Variants in CGNL1 observed in about 807,000 individuals in gnomAD.
The protein encoded by CGNL1 is cingulin like 1.
CGNL1 carries 132 observed loss-of-function variants against 141.2 expected under a neutral mutation model. The observed-to-expected ratio is 0.93, with a 90% CI of 0.81 to 1.08. CGNL1 has a LOEUF of 1.08. Ranked by LOEUF, CGNL1 falls within the 50% of genes least tolerant of loss-of-function variation. The pLI is 0.00. For synonymous variants in CGNL1, 690 were observed against 622.1 expected, an observed-to-expected ratio of 1.11 and a Z score of -1.63; for missense variants, 1,870 against 1,588.6, an observed-to-expected ratio of 1.18 and a Z score of -3.01.
At chr15:57,525,207 C>T (rs910062831) in intron 12 of CGNL1, among the ~76,000 whole-genome samples, 14 of 151,982 alleles carry the variant, frequency 9.2e-5, no homozygotes, top group African/African-American at 3.4e-4. Flanking sequence ...ACAATAATGG[C>T]GAGTAAAAGA....
intron 8 of CGNL1, among the ~76,000 whole-genome samples, chr15:57,493,041 T>G (rs1162652944): frequency 6.6e-6 from 1 of 152,166 alleles, no homozygotes; most frequent in Non-Finnish European, 1.5e-5. Context: ...AATGTGAGTG[T>G]ATGAGTATGA....
chr15:57,438,517 A>G lies in CGNL1; in HGVS notation c.518A>G (p.Asn173Ser). 1 of 1,614,134 alleles carries G rather than the reference A, an allele frequency of 6.2e-7. No individual in the cohort carries two copies. Among genetic ancestry groups the G allele is most frequent in the South Asian group, 1.1e-5 (1 of 91,082 alleles). Residue 173 changes from asparagine (N) to serine (S), a missense_variant, in exon 2 of 19, where the codon AAT becomes AGT. Asn to Ser is a conservative substitution (Grantham distance 46). Coordinates refer to ENST00000281282, the MANE Select transcript of CGNL1 (RefSeq NM_032866.5). Reference sequence around the variant, plus strand: ...CAAAATCACCAGCCTTCTGAGAGTAATTGGCTAAAAACGTTGACAGAAGAA... The same window carrying G: ...CAAAATCACCAGCCTTCTGAGAGTAGTTGGCTAAAAACGTTGACAGAAGAA... The part of the protein sequence containing the change: ...NLQNHQPSES[N>S]WLKTLTEEGI...
intron 7 of CGNL1, among the ~76,000 whole-genome samples, chr15:57,455,374 T>G (rs2063366775): frequency 6.6e-6 from 1 of 152,210 alleles, no homozygotes; most frequent in South Asian, 2.1e-4. Flanking sequence ...ATTCCTTGTG[T>G]GAACATTTTA....
chr15:57,462,839 C>T (rs955447312), intron 8 of CGNL1, among the ~76,000 whole-genome samples: 2 of 152,006 alleles, frequency 1.3e-5, no homozygotes, highest in Admixed American at 1.3e-4. Flanking sequence ...ACTTGGAGAC[C>T]GTTTTTAAAA....
chr15:57,490,072 T>A (rs2063837496), intron 8 of CGNL1, among the ~76,000 whole-genome samples: 1 of 152,180 alleles, frequency 6.6e-6, no homozygotes, highest in Non-Finnish European at 1.5e-5. Flanking sequence ...ATTTCTCTAC[T>A]GTAGACTGGA....
chr15:57,539,195 C>G (rs950275955), intron 14 of CGNL1, among the ~76,000 whole-genome samples: 7 of 152,186 alleles, frequency 4.6e-5, no homozygotes, highest in Admixed American at 1.3e-4. Context: ...ATTTCTTTGT[C>G]TCTCTACAAG....
chr15:57,446,754 T>G (rs1222863952), intron 4 of CGNL1, among the ~76,000 whole-genome samples: 10 of 151,538 alleles, frequency 6.6e-5, no homozygotes, highest in Non-Finnish European at 1.3e-4. Flanking sequence ...AAATTAGGTG[T>G]ACTTTTAACT....
chr15:57,475,515 G>A (rs2063642884), intron 8 of CGNL1, among the ~76,000 whole-genome samples: 1 of 151,586 alleles, frequency 6.6e-6, no homozygotes, highest in Non-Finnish European at 1.5e-5. Context: ...GTGTGTGTGT[G>A]TGTGTGTGTG....
At chr15:57,449,778 AT>A (rs1289531588) in intron 4 of CGNL1, among the ~76,000 whole-genome samples, 2 of 151,870 alleles carry the variant, frequency 1.3e-5, no homozygotes, top group African/African-American at 4.8e-5. Context: ...CCAAGGTTTT[AT>A]TTTTTCTGGA....
chr15:57,501,656 A>T (rs1186010362), intron 8 of CGNL1, among the ~76,000 whole-genome samples: 17 of 152,172 alleles, frequency 1.1e-4, no homozygotes, highest in Admixed American at 5.2e-4. Context: ...CCAGAAGTCA[A>T]GGTACAATTT....
intron 8 of CGNL1, among the ~76,000 whole-genome samples, chr15:57,470,255 TC>T (rs2063563803): frequency 1.2e-5 from 1 of 81,302 alleles, no homozygotes; most frequent in East Asian, 3.7e-4. Flanking sequence ...TTTTTGTCTC[TC>T]TTTTTTTTTT....
chr15:57,466,042 G>C (rs758615346), intron 8 of CGNL1, among the ~76,000 whole-genome samples: 1 of 152,210 alleles, frequency 6.6e-6, no homozygotes, highest in African/African-American at 2.4e-5. Flanking sequence ...CCAGCAGAAT[G>C]AATTGCATCT....
At chr15:57,490,375 C>T (rs1179666623) in intron 8 of CGNL1, among the ~76,000 whole-genome samples, 1 of 149,968 alleles carries the variant, frequency 6.7e-6, no homozygotes, top group African/African-American at 2.5e-5. Flanking sequence ...CTAGCAGTGC[C>T]AGAAAGTAAG....
At chr15:57,451,653 A>AAG (rs1280651453) in intron 5 of CGNL1, 52 bp downstream of exon 5, 1 of 1,390,446 alleles carries the variant, frequency 7.2e-7, no homozygotes, top group African/African-American at 1.4e-5. Context: ...TTGGTTGATA[A>AAG]AGAATATTTT....
At chr15:57,519,063 A>C (rs1000656042) in intron 10 of CGNL1, among the ~76,000 whole-genome samples, 1 of 152,196 alleles carries the variant, frequency 6.6e-6, no homozygotes, top group Admixed American at 6.5e-5. Flanking sequence ...TTGAAACTGG[A>C]TAGCTATCGC....
chr15:57,515,465 A>G (rs2030693582), intron 8 of CGNL1, among the ~76,000 whole-genome samples: 1 of 152,214 alleles, frequency 6.6e-6, no homozygotes, highest in Admixed American at 6.5e-5. Context: ...GGTCGGTGAT[A>G]CAGCCTTTAA....
Position 57,543,834 on chromosome 15 carries a change from A to T in CGNL1, c.3375+55A>T, listed in dbSNP as rs2032704228. On this transcript the variant is annotated intron_variant, in intron 15 of 18. Transcript: ENST00000281282. ...CCCGTCCATCCGCTAACCCTCCCCC[A>T]CTTCACTGCTTTGAACTAGAAGCCC... The T allele has an allele frequency of 4.5e-6, 6 of 1,346,862 alleles. No individual in the cohort carries two copies. In the South Asian group the frequency reaches 7.1e-5, roughly 16 times the overall value. 83.4% of individuals were successfully genotyped at this position (1,346,862 alleles called of 1,614,324 possible).
intron 8 of CGNL1, among the ~76,000 whole-genome samples, chr15:57,487,867 T>C (rs1020961408): frequency 2.6e-5 from 4 of 152,220 alleles, no homozygotes; most frequent in African/African-American, 9.6e-5. Flanking sequence ...GGATATAGTT[T>C]TCGAGTATAC....
intron 8 of CGNL1, among the ~76,000 whole-genome samples, chr15:57,494,109 C>G (rs1346936595): frequency 6.6e-5 from 10 of 152,182 alleles, no homozygotes; most frequent in African/African-American, 2.2e-4. Flanking sequence ...AAAAATAAAT[C>G]TGCAAAGCAA....
Sources: allele counts gnomAD v4.1 joint callset (sites outside exome capture counted in the v4.1 genomes callset), GRCh38; gene constraint gnomAD v4.1.1; transcripts MANE v1.5; gene names NCBI Gene and HGNC (gene_info 2026-07-23, HGNC 2026-07-21).